The following OSGIN1 variants were observed in gnomAD, a reference collection of about 807,000 sequenced individuals.
OSGIN1 encodes the protein oxidative stress-induced growth inhibitor 1.
A neutral mutation model predicts 20.1 loss-of-function variants in OSGIN1; 19 were observed. That is an observed-to-expected ratio of 0.95 (90% confidence interval 0.66 to 1.39). The LOEUF (loss-of-function observed/expected upper bound fraction) is 1.39. Ranked by LOEUF, OSGIN1 falls within the 40% of genes most tolerant of loss-of-function variation. The pLI, the probability that OSGIN1 is intolerant of heterozygous loss-of-function variation, is 0.00. For missense variants in OSGIN1, 820 were observed against 653.0 expected (o/e 1.26, Z -2.79); for synonymous variants, 368 against 297.8 (o/e 1.24, Z -2.43).
chr16:83,960,076 C>T (rs1373074432), intron 3 of OSGIN1, among the ~76,000 whole-genome samples: 1 of 152,102 alleles, frequency 6.6e-6, no homozygotes, highest in Non-Finnish European at 1.5e-5. Context: ...TAGGTCTTGA[C>T]CATTTGATCT....
intron 1 of OSGIN1, chr16:83,956,853 G>A (rs1908953363): frequency 6.6e-6 from 1 of 152,328 alleles, no homozygotes; most frequent in African/African-American, 2.4e-5. Context: ...AAGAAGGTAG[G>A]TCTGATGCTC....
intron 1 of OSGIN1, among the ~76,000 whole-genome samples, chr16:83,956,174 G>A (rs1187648966): frequency 6.6e-6 from 1 of 152,194 alleles, no homozygotes; most frequent in Non-Finnish European, 1.5e-5. Flanking sequence ...GCGACACATA[G>A]GTCCTCTCAG....
intron 1 of OSGIN1, chr16:83,954,158 C>T (rs1908818296): frequency 1.3e-5 from 2 of 152,246 alleles, no homozygotes; most frequent in African/African-American, 2.4e-5. Context: ...GCTTTTCTTC[C>T]TCTGCACAAT....
intron 1 of OSGIN1, among the ~76,000 whole-genome samples, chr16:83,955,235 C>G (rs1908869916): frequency 6.6e-6 from 1 of 152,154 alleles, no homozygotes; most frequent in Admixed American, 6.5e-5. Flanking sequence ...CACTCTGAGA[C>G]CCGTAGTCCT....
Position 83,965,192 on chromosome 16 carries a change from G to T in OSGIN1, c.619G>T (p.Asp207Tyr). The change falls in exon 6 of 6, where the codon GAT (aspartate) becomes TAT (tyrosine). Residue 207 changes from aspartate (D) to tyrosine (Y), a missense_variant. By Grantham distance (160) the Asp-to-Tyr change is radical (BLOSUM62 -3). Coordinates refer to ENST00000393306, the MANE Select transcript of OSGIN1 (RefSeq NM_182981.3). ...VVTAVEWGTPDPSSCGAQDSS... is the reference protein window; with the variant it reads ...VVTAVEWGTPYPSSCGAQDSS... ...CACAGCCGTGGAGTGGGGGACCCCC[G>T]ATCCCAGCAGCTGTGGGGCCCAGGA... 1 of 1,613,238 alleles carries T rather than the reference G, an allele frequency of 6.2e-7. No homozygotes were observed. The highest frequency in any genetic ancestry group is 8.5e-7 in the Non-Finnish European group (1 of 1,180,002).
intron 2 of OSGIN1, among the ~76,000 whole-genome samples, chr16:83,958,210 A>C (rs1428299541): frequency 6.6e-6 from 1 of 152,208 alleles, no homozygotes; most frequent in Non-Finnish European, 1.5e-5. Context: ...TCTTTAAATT[A>C]AGCCATTGAG....
chr16:83,962,156 C>A lies in OSGIN1; in HGVS notation c.488+1084C>A, dbSNP rs1293709866. 2.6e-5 allele frequency among the ~76,000 whole-genome samples: 4 copies of A among 152,148 alleles called. No individual in the cohort carries two copies. In the East Asian group the frequency reaches 5.8e-4, roughly 22 times the overall value. ...ATTTTTTCCCCATCTGGCTTCCTGCCCCATCATGGCCACCCTAGAGAAAAG... is the reference window on the plus strand; with the variant it reads ...ATTTTTTCCCCATCTGGCTTCCTGCACCATCATGGCCACCCTAGAGAAAAG... On this transcript the variant is annotated intron_variant, in intron 5 of 5. Coordinates refer to ENST00000393306, the MANE Select transcript of OSGIN1 (RefSeq NM_182981.3).
In OSGIN1 at chr16:83,959,310, C is replaced by T. The variant is rs1418475206; in HGVS notation, c.118C>T (p.Pro40Ser). The T allele has an allele frequency of 6.2e-7, 1 of 1,613,812 alleles. No individual in the cohort carries two copies. The highest frequency in any genetic ancestry group is 1.3e-5 in the African/African-American group (1 of 75,002). ...CLSYLLSGYT[P>S]YTKPDAIHPH... ...GTCCTACCTGCTCTCCGGCTACACA[C>T]CCTACACGAAGCCAGATGCCATCCA... Residue 40 changes from proline to serine, a missense_variant, in exon 3 of 6, where the codon CCC (proline) becomes TCC (serine). Transcript: ENST00000393306.
At chr16:83,957,527 C>T (rs1199784559) in intron 1 of OSGIN1, 113 bp from the exon 2 acceptor site, 15 of 663,154 alleles carry the variant, frequency 2.3e-5, no homozygotes, top group African/African-American at 7.4e-5. Flanking sequence ...ATGGGGACCC[C>T]GGACCAGACC....
chr16:83,961,118 T>C (rs1209497208), intron 5 of OSGIN1, 46 bp downstream of exon 5: 2 of 1,452,412 alleles, frequency 1.4e-6, no homozygotes, highest in Admixed American at 1.7e-5. Flanking sequence ...AGGTTGGGCC[T>C]GTGAACCCAG....
At chr16:83,959,539 C>T (rs1909105142) in intron 3 of OSGIN1, 143 bp downstream of exon 3, 5 of 816,860 alleles carry the variant, frequency 6.1e-6, no homozygotes, top group South Asian at 3.9e-5. Context: ...AAGTCAGCCA[C>T]GGAGATCGTG....
Position 83,953,464 on chromosome 16 carries a change from T to C in OSGIN1, c.-33+94T>C, listed in dbSNP as rs909364626. Reference sequence around the variant, plus strand: ...CTGGACCGGAGGGTCTGCAGAGCCCTGGCGCCAGGCGGGGGTCCCGGGTGG... The same window carrying C: ...CTGGACCGGAGGGTCTGCAGAGCCCCGGCGCCAGGCGGGGGTCCCGGGTGG... On this transcript the variant is annotated intron_variant, in intron 1 of 5. Transcript: ENST00000393306. 7 of 1,160,656 alleles carry C rather than the reference T, an allele frequency of 6.0e-6. No individual in the cohort carries two copies. In the African/African-American group the frequency reaches 6.3e-5, roughly 10 times the overall value. 71.9% of individuals were successfully genotyped at this position (1,160,656 alleles called of 1,614,324 possible).
chr16:83,963,931 C>A (rs1410412237), intron 5 of OSGIN1, among the ~76,000 whole-genome samples: 2 of 152,190 alleles, frequency 1.3e-5, no homozygotes, highest in Non-Finnish European at 2.9e-5. Flanking sequence ...TAATAGAATA[C>A]CTCCTGCTGC....
intron 5 of OSGIN1, among the ~76,000 whole-genome samples, chr16:83,962,121 C>G (rs1049490558): frequency 2.0e-5 from 3 of 152,140 alleles, no homozygotes. Flanking sequence ...CGCCCTTTCA[C>G]TCCTGGGGTA....
Position 83,960,627 on chromosome 16 carries a change from T to A in OSGIN1, c.263T>A (p.Leu88His). The A allele has an allele frequency of 6.2e-7, 1 of 1,613,502 alleles. No individual in the cohort carries two copies. The highest frequency in any genetic ancestry group is 8.5e-7 in the Non-Finnish European group (1 of 1,180,026). Residue 88 changes from leucine to histidine, a missense_variant, in exon 4 of 6, where the codon CTC (leucine) becomes CAC (histidine). Leu to His is a moderately conservative substitution (Grantham distance 99). Coordinates refer to ENST00000393306, the MANE Select transcript of OSGIN1 (RefSeq NM_182981.3). ...EGRSQSPVAL[L>H]FDALLRPDTD... ...CGATCCCAAAGCCCCGTGGCCCTGC[T>A]CTTTGATGCCCTTCTACGCCCAGAC...
intron 1 of OSGIN1, among the ~76,000 whole-genome samples, chr16:83,956,669 C>A (rs1365438317): frequency 6.6e-6 from 1 of 152,238 alleles, no homozygotes; most frequent in East Asian, 1.9e-4. Flanking sequence ...ATGGCCAGGG[C>A]TGCACAGGGT....
At position 83,960,974 on chromosome 16, in the gene OSGIN1, C is replaced by CCTG; in HGVS notation, c.397-5_397-3dup. ...AGGCCTGGACCAAAGGGTTCCTTTCCCTGCAGTCCATCGAAGGCTCCATGG... is the reference window on the plus strand; with the variant it reads ...AGGCCTGGACCAAAGGGTTCCTTTCCCTGCTGCAGTCCATCGAAGGCTCCATGG... On this transcript the variant is annotated splice_polypyrimidine_tract_variant and splice_region_variant and intron_variant, in intron 4 of 5. Transcript: ENST00000393306. 6.2e-7 allele frequency: 1 copy of CCTG among 1,612,782 alleles called. No individual in the cohort carries two copies. The highest frequency in any genetic ancestry group is 1.3e-5 in the African/African-American group (1 of 75,032).
In OSGIN1 at chr16:83,966,135, C is replaced by G. The variant is rs750671183; in HGVS notation, c.*128C>G. 1.3e-5 allele frequency: 10 copies of G among 753,862 alleles called. No homozygotes were observed. The highest frequency in any genetic ancestry group is 3.9e-4 in the Middle Eastern group (1 of 2,594). The allele number at this position is 753,862 out of a possible 1,614,324, so 46.7% of individuals were successfully genotyped here. A position where few individuals can be genotyped will look rare whatever the true frequency, so the allele number is the denominator to read the frequency against. On this transcript the variant is annotated 3_prime_UTR_variant, in exon 6 of 6. Coordinates refer to ENST00000393306, the MANE Select transcript of OSGIN1 (RefSeq NM_182981.3). ...AGCCCACGTTGCTGGCCTTTGGGGT[C>G]AAGAGGAGTAGGGATCCCAGGCTGC...
At chr16:83,954,289 TAAC>T (rs1409681157) in intron 1 of OSGIN1, 1 of 152,244 alleles carries the variant, frequency 6.6e-6, no homozygotes, top group Admixed American at 6.5e-5. Context: ...TTTGCAGCTT[TAAC>T]AACCTCAGAA....
Sources: gnomAD v4.1 joint callset for allele counts (sites outside exome capture counted in the v4.1 genomes callset) on GRCh38, gnomAD v4.1.1 for gene constraint, MANE v1.5 for transcripts, NCBI Gene and HGNC (gene_info 2026-07-23, HGNC 2026-07-21) for gene names.